The following INPP5D variants were observed in gnomAD, a reference collection of about 807,000 sequenced individuals.
The protein encoded by INPP5D is inositol polyphosphate-5-phosphatase D, also known as phosphatidylinositol 3,4,5-trisphosphate 5-phosphatase 1.
A neutral mutation model predicts 122.9 loss-of-function variants in INPP5D; 33 were observed. The ratio of observed to expected loss-of-function variants is 0.27; its 90% confidence interval spans 0.20 to 0.36. The LOEUF (loss-of-function observed/expected upper bound fraction) is 0.36, where lower values mean the gene tolerates loss of function less well. Among genes scored for constraint, INPP5D ranks in the 10% least tolerant of loss-of-function variants. The pLI is 1.00. For missense variants in INPP5D, 1,053 were observed against 1,412.7 expected (o/e 0.75, Z 4.08); for synonymous variants, 584 against 576.2 (o/e 1.01, Z -0.19).
At chr2:233,193,663 C>T in intron 22 of INPP5D, 149 bp from the exon 23 acceptor site, 1 of 1,312,648 alleles carries the variant, frequency 7.6e-7, no homozygotes, top group Non-Finnish European at 1.0e-6. Flanking sequence ...CATTTGCCCC[C>T]AAAGTACTGT....
intron 2 of INPP5D, among the ~76,000 whole-genome samples, chr2:233,102,139 G>C (rs559642785): frequency 3.9e-5 from 6 of 152,146 alleles, no homozygotes; most frequent in Non-Finnish European, 7.4e-5. Flanking sequence ...ACTCTAGATC[G>C]CACAACCAGT....
chr2:233,064,052 G>A (rs571151459), intron 1 of INPP5D, among the ~76,000 whole-genome samples: 5 of 152,380 alleles, frequency 3.3e-5, no homozygotes, highest in Admixed American at 2.0e-4. Flanking sequence ...TGGGTTGGCC[G>A]AGCCGGCATC....
Position 233,158,415 on chromosome 2 carries a change from C to T in INPP5D, c.1133C>T (p.Ser378Phe), listed in dbSNP as rs567316178. ...ILRKEYVFAD[S>F]KKREGFCQLL... ...CGGAAGGAATATGTTTTTGCTGACT[C>T]CAAAGTAAGTGACAGCAAACTTCTA... Residue 378 changes from serine to phenylalanine, a missense_variant, in exon 10 of 27, where the codon TCC becomes TTC. By Grantham distance (155) the Ser-to-Phe change is radical (BLOSUM62 -2). Coordinates refer to ENST00000445964, the MANE Select transcript of INPP5D (RefSeq NM_001017915.3). 186 of 702,036 alleles carry T rather than the reference C, an allele frequency of 2.6e-4. 3 individuals are homozygous for T. In the South Asian group the frequency reaches 2.7e-3, roughly 10 times the overall value. The allele number at this position is 702,036 out of a possible 1,614,324, so 43.5% of individuals were successfully genotyped here.
intron 1 of INPP5D, among the ~76,000 whole-genome samples, chr2:233,073,846 G>A (rs1274335004): frequency 6.6e-6 from 1 of 151,998 alleles, no homozygotes; most frequent in East Asian, 1.9e-4. Flanking sequence ...TCTGTCGTGT[G>A]TTAAATTCTG....
chr2:233,200,138 A>G (rs913312588), intron 25 of INPP5D, among the ~76,000 whole-genome samples: 2 of 152,232 alleles, frequency 1.3e-5, no homozygotes, highest in African/African-American at 4.8e-5. Context: ...ATCTGAGTCT[A>G]GAACTGGTTC....
rs1245424624 is a variant in INPP5D at position 233,164,453 on chromosome 2, C to G, written c.1555+29C>G. On this transcript the variant is annotated intron_variant, in intron 13 of 26. Transcript: ENST00000445964. This position sits in a 1 kb window ranked among gnomAD's most constrained non-coding sequence, Gnocchi z 4.3. ...AGCAGGGCGGGGACCCTGTGTTCCT[C>G]CCACACCCTCTGCCTCAACTCTCGC... The G allele has an allele frequency of 6.6e-7, 1 of 1,522,526 alleles. No individual in the cohort carries two copies. The highest frequency in any genetic ancestry group is 1.2e-5 in the South Asian group (1 of 81,366). The allele number at this position is 1,522,526 out of a possible 1,614,324, so 94.3% of individuals were successfully genotyped here.
intron 17 of INPP5D, among the ~76,000 whole-genome samples, chr2:233,172,730 G>A (rs912485615): frequency 3.9e-5 from 6 of 152,158 alleles, no homozygotes; most frequent in African/African-American, 7.2e-5. Flanking sequence ...AGGTGACTTC[G>A]TCATTGTGGG....
rs1203155646 is a variant in INPP5D at position 233,078,260 on chromosome 2, G to A, written c.135-1075G>A. Reference sequence around the variant, plus strand: ...TCTCCCAAGGTGCTAGCACTTGACAGCCCCCTTTTCCTCTCACAGGTTTTA... The same window carrying A: ...TCTCCCAAGGTGCTAGCACTTGACAACCCCCTTTTCCTCTCACAGGTTTTA... On this transcript the variant is annotated intron_variant, in intron 1 of 26. Transcript: ENST00000445964. This position sits in a 1 kb window ranked among gnomAD's most constrained non-coding sequence, Gnocchi z 4.6. Among the ~76,000 whole-genome samples the A allele has an allele frequency of 1.3e-5, 2 of 152,312 alleles. No homozygotes were observed. Among genetic ancestry groups the A allele is most frequent in the East Asian group, 3.9e-4 (2 of 5,188 alleles).
intron 2 of INPP5D, among the ~76,000 whole-genome samples, chr2:233,115,190 C>T (rs1692753264): frequency 6.6e-6 from 1 of 152,182 alleles, no homozygotes. Flanking sequence ...TTAATACTGT[C>T]CCGCCACTGG....
Position 233,147,740 on chromosome 2 carries a change from G to C in INPP5D, c.1030+146G>C. Reference sequence around the variant, plus strand: ...CGCTCATGCTTTTGTGTGTGTGTGTGTCTCTTCTCTTCCCCACCAAGACCC... The same window carrying C: ...CGCTCATGCTTTTGTGTGTGTGTGTCTCTCTTCTCTTCCCCACCAAGACCC... On this transcript the variant is annotated intron_variant, in intron 9 of 26. Transcript: ENST00000445964. 3 of 604,114 alleles carry C rather than the reference G, an allele frequency of 5.0e-6. No homozygotes were observed. The South Asian group carries it at 5.8e-5, about 12-fold the overall frequency. The allele number at this position is 604,114 out of a possible 1,614,324, so 37.4% of individuals were successfully genotyped here.
rs1457701872 is a variant in INPP5D, at chr2:233,128,619, A to T, written c.525-1889A>T. Among the ~76,000 whole-genome samples the T allele has an allele frequency of 6.6e-6, 1 of 152,100 alleles. No individual in the cohort carries two copies. Among genetic ancestry groups the T allele is most frequent in the Non-Finnish European group, 1.5e-5 (1 of 68,016 alleles). Reference sequence around the variant, plus strand: ...CAGCCTCCTGAGTAGCTGGGACTACAAACGCACGCCACCACGCCCAGCTAA... The same window carrying T: ...CAGCCTCCTGAGTAGCTGGGACTACTAACGCACGCCACCACGCCCAGCTAA... On this transcript the variant is annotated intron_variant, in intron 4 of 26. Transcript: ENST00000445964. This position sits in a 1 kb window ranked among gnomAD's most constrained non-coding sequence, Gnocchi z 4.5.
chr2:233,133,882 GTGT>G, intron 5 of INPP5D: 1 of 437,466 alleles, frequency 2.3e-6, no homozygotes, highest in Admixed American at 2.4e-5. Context: ...GCAGGGGTCT[GTGT>G]CTGTTTTGCT....
intron 17 of INPP5D, among the ~76,000 whole-genome samples, chr2:233,175,251 T>C (rs916296658): frequency 1.1e-4 from 16 of 150,162 alleles, no homozygotes; most frequent in African/African-American, 3.7e-4. Flanking sequence ...TGAATGTTTA[T>C]GGCAGCCTTG....
rs1695003692 is a variant in INPP5D, at chr2:233,189,740, G to T, written c.2359-110G>T. 1.3e-6 allele frequency: 2 copies of T among 1,490,588 alleles called. No homozygotes were observed. Among genetic ancestry groups the T allele is most frequent in the East Asian group, 2.3e-5 (1 of 42,892 alleles). 92.3% of individuals were successfully genotyped at this position (1,490,588 alleles called of 1,614,324 possible). A position where few individuals can be genotyped will look rare whatever the true frequency, so the allele number is the denominator to read the frequency against. ...CTTGGGTATGGACAGCAGAGATTTA[G>T]ATCTGATTACTAAGAACACCTTTCG... On this transcript the variant is annotated intron_variant, in intron 21 of 26. Coordinates refer to ENST00000445964, the MANE Select transcript of INPP5D (RefSeq NM_001017915.3). The surrounding 1 kb of genome is among the most constrained non-coding windows in gnomAD (Gnocchi z 5.6).
At chr2:233,154,382 C>T (rs1205098076) in intron 9 of INPP5D, among the ~76,000 whole-genome samples, 2 of 152,216 alleles carry the variant, frequency 1.3e-5, no homozygotes, top group Non-Finnish European at 2.9e-5. Context: ...CTCCTGAGCT[C>T]AGATGATCTG....
At chr2:233,151,122 A>G (rs187510452) in intron 9 of INPP5D, among the ~76,000 whole-genome samples, 17 of 152,222 alleles carry the variant, frequency 1.1e-4, no homozygotes, top group Middle Eastern at 3.4e-3. Context: ...CAGATCAGGG[A>G]TGGGTGAAAG....
intron 2 of INPP5D, among the ~76,000 whole-genome samples, chr2:233,094,529 A>C (rs1226345317): frequency 1.3e-5 from 2 of 150,418 alleles, no homozygotes; most frequent in African/African-American, 2.4e-5. Context: ...AAAAAAAAAA[A>C]AAAAAAAAAA....
chr2:233,188,705 G>A lies in INPP5D; in HGVS notation c.2359-1145G>A, dbSNP rs1210387540. Among the ~76,000 whole-genome samples the A allele has an allele frequency of 6.6e-6, 1 of 152,170 alleles. No homozygotes were observed. The highest frequency in any genetic ancestry group is 1.5e-5 in the Non-Finnish European group (1 of 68,034). On this transcript the variant is annotated intron_variant, in intron 21 of 26. Coordinates refer to ENST00000445964, the MANE Select transcript of INPP5D (RefSeq NM_001017915.3). The surrounding 1 kb of genome is among the most constrained non-coding windows in gnomAD (Gnocchi z 4.7). The stretch of plus-strand genomic sequence containing the variant: ...GCCTCCCGAGTACCTGGGACGACAG[G>A]CACGCCCCATCAAGCCTCGCTAATT...
intron 25 of INPP5D, among the ~76,000 whole-genome samples, chr2:233,199,405 G>A (rs1286229061): frequency 6.9e-6 from 1 of 145,414 alleles, no homozygotes; most frequent in African/African-American, 2.5e-5. Flanking sequence ...GTGTGGTGGT[G>A]CACGCCTGTA....
Sources: allele counts gnomAD v4.1 joint callset (sites outside exome capture counted in the v4.1 genomes callset), GRCh38; gene constraint gnomAD v4.1.1; non-coding constraint Gnocchi (gnomAD v3.1); transcripts MANE v1.5; gene names NCBI Gene and HGNC (gene_info 2026-07-23, HGNC 2026-07-21).